Variants in KIAA1549 observed in about 807,000 individuals in gnomAD.
KIAA1549 encodes the protein KIAA1549.
KIAA1549 carries 70 observed loss-of-function variants against 156.4 expected under a neutral mutation model. The observed-to-expected ratio is 0.45, with a 90% CI of 0.37 to 0.55. KIAA1549 has a LOEUF of 0.55. Ranked by LOEUF, KIAA1549 falls within the 20% of genes least tolerant of loss-of-function variation. The probability of loss-of-function intolerance (pLI) is 0.00; values close to 1 mark genes in which losing one functional copy is unlikely to be tolerated. For missense variants in KIAA1549, 2,428 were observed against 2,540.9 expected (o/e 0.96, Z 0.96); for synonymous variants, 1,103 against 1,066.4 (o/e 1.03, Z -0.67).
chr7:138,919,671 T>C (rs1812499592), intron 1 of KIAA1549, among the ~76,000 whole-genome samples: 1 of 152,070 alleles, frequency 6.6e-6, no homozygotes, highest in African/African-American at 2.4e-5. Context: ...CTAAGCTGTG[T>C]ATGTGTGGGG....
intron 5 of KIAA1549, among the ~76,000 whole-genome samples, chr7:138,907,885 C>T (rs1812051614): frequency 6.6e-6 from 1 of 151,986 alleles, no homozygotes; most frequent in Admixed American, 6.6e-5. Flanking sequence ...CTAGCTCTGC[C>T]CTGAGACACA....
chr7:138,883,585 AG>A (rs1452483231), intron 10 of KIAA1549, among the ~76,000 whole-genome samples: 1 of 152,064 alleles, frequency 6.6e-6, no homozygotes, highest in Non-Finnish European at 1.5e-5. Flanking sequence ...CCAAAGTGCT[AG>A]GATTACAGGT....
intron 1 of KIAA1549, among the ~76,000 whole-genome samples, chr7:138,976,483 A>G (rs896405631): frequency 6.6e-6 from 1 of 152,158 alleles, no homozygotes; most frequent in Non-Finnish European, 1.5e-5. Flanking sequence ...CAGTTTGAAG[A>G]TATTTTGAGA....
At chr7:138,953,974 C>T (rs1813581262) in intron 1 of KIAA1549, among the ~76,000 whole-genome samples, 1 of 152,102 alleles carries the variant, frequency 6.6e-6, no homozygotes, top group Non-Finnish European at 1.5e-5. Flanking sequence ...GTGCATCACA[C>T]TGTTGATGGT....
intron 17 of KIAA1549, among the ~76,000 whole-genome samples, chr7:138,845,096 CTTTT>C (rs1422996433): frequency 6.6e-6 from 1 of 152,020 alleles, no homozygotes; most frequent in Non-Finnish European, 1.5e-5. Flanking sequence ...CTCCCAAGAG[CTTTT>C]GTTTCTGTGG....
At chr7:138,948,998 C>A (rs1173326546) in intron 1 of KIAA1549, among the ~76,000 whole-genome samples, 1 of 152,150 alleles carries the variant, frequency 6.6e-6, no homozygotes, top group Non-Finnish European at 1.5e-5. Flanking sequence ...AGCCACCGCG[C>A]CCGGCCAGGG....
At chr7:138,902,343 A>G (rs983506364) in intron 8 of KIAA1549, among the ~76,000 whole-genome samples, 4 of 152,048 alleles carry the variant, frequency 2.6e-5, no homozygotes, top group Non-Finnish European at 4.4e-5. Context: ...CTTTTTCTCT[A>G]ATGCCTCTAA....
At chr7:138,877,958 A>G (rs1197990764) in intron 12 of KIAA1549, among the ~76,000 whole-genome samples, 1 of 152,218 alleles carries the variant, frequency 6.6e-6, no homozygotes, top group East Asian at 1.9e-4. Flanking sequence ...CAGATAAGCA[A>G]TGAACAGAAC....
At chr7:138,945,281 T>C (rs1286685747) in intron 1 of KIAA1549, among the ~76,000 whole-genome samples, 1 of 152,184 alleles carries the variant, frequency 6.6e-6, no homozygotes, top group Non-Finnish European at 1.5e-5. Flanking sequence ...CCAGGTGCCT[T>C]AGCGCCAGCC....
Position 138,844,469 on chromosome 7 carries a change from C to G in KIAA1549, c.5300G>C (p.Gly1767Ala). Reference protein sequence around the residue: ...TPPTGPLPRPGFGPGLLQSTE... With the variant: ...TPPTGPLPRPAFGPGLLQSTE... ...AGACTGCAGCAAACCGGGGCCAAAA[C>G]CTGGTCTGAAGGCAAAGCAAACCAG... is the stretch of plus-strand genomic sequence containing the variant. Residue 1767 changes from glycine (G) to alanine (A), a missense_variant, in exon 18 of 20, where the codon GGT becomes GCT. Gly to Ala is a moderately conservative substitution (Grantham distance 60). This residue lies in a region of KIAA1549 where 363 missense variants were observed against 354.0 expected (regional missense o/e 1.03). Coordinates refer to ENST00000422774, the MANE Select transcript of KIAA1549 (RefSeq NM_001164665.2). 2 of 1,530,318 alleles carry G rather than the reference C, an allele frequency of 1.3e-6. No homozygotes were observed. Among genetic ancestry groups the G allele is most frequent in the Non-Finnish European group, 1.8e-6 (2 of 1,142,040 alleles). The allele number at this position is 1,530,318 out of a possible 1,614,324, so 94.8% of individuals were successfully genotyped here. A position where few individuals can be genotyped will look rare whatever the true frequency, so the allele number is the denominator to read the frequency against.
chr7:138,837,707 C>G lies in KIAA1549; in HGVS notation c.*199G>C. 1.6e-6 allele frequency: 1 copy of G among 612,756 alleles called. No individual in the cohort carries two copies. Among genetic ancestry groups the G allele is most frequent in the African/African-American group, 1.8e-5 (1 of 54,198 alleles). The allele number at this position is 612,756 out of a possible 1,614,324, so 38.0% of individuals were successfully genotyped here. On this transcript the variant is annotated 3_prime_UTR_variant, in exon 20 of 20. Transcript: ENST00000422774. ...TATATTTCAACTGAACCCAAGTGTT[C>G]AGACAATTGCCAGCCCAGTGAAAGG...
At position 138,906,928 on chromosome 7, in the gene KIAA1549, T is replaced by A; in HGVS notation, c.3451A>T (p.Ile1151Phe). ...SFYLGYPVLQ[I>F]AEPFQYPQLN... ...AGAGGGCTGTACTCACGCTCTGCGATCTGCAGCACTGGGTATCCCAGATAG... is the reference window on the plus strand; with the variant it reads ...AGAGGGCTGTACTCACGCTCTGCGAACTGCAGCACTGGGTATCCCAGATAG... Residue 1151 changes from isoleucine to phenylalanine, a missense_variant, in exon 6 of 20, where the codon ATC (isoleucine) becomes TTC (phenylalanine). Around this residue, in one of 5 missense-constraint regions of KIAA1549, gnomAD observed 762 missense variants for 901.6 expected, o/e 0.85. Coordinates refer to ENST00000422774, the MANE Select transcript of KIAA1549 (RefSeq NM_001164665.2). 6.3e-7 allele frequency: 1 copy of A among 1,596,094 alleles called. No individual in the cohort carries two copies. Among genetic ancestry groups the A allele is most frequent in the Non-Finnish European group, 8.5e-7 (1 of 1,172,894 alleles).
At chr7:138,899,168 C>T in intron 8 of KIAA1549, 36 bp from the exon 9 acceptor site, 2 of 1,594,040 alleles carry the variant, frequency 1.3e-6, no homozygotes, top group Non-Finnish European at 1.7e-6. Context: ...ATTGCAGAAG[C>T]TCATGTTTCT....
At chr7:138,910,180 T>C (rs996570634) in intron 4 of KIAA1549, among the ~76,000 whole-genome samples, 5 of 152,082 alleles carry the variant, frequency 3.3e-5, no homozygotes, top group Admixed American at 3.3e-4. Context: ...CAGTGGTCTG[T>C]TAAACTATTC....
chr7:138,886,262 A>C (rs534617801), intron 10 of KIAA1549, among the ~76,000 whole-genome samples: 40 of 152,242 alleles, frequency 2.6e-4, no homozygotes, highest in African/African-American at 9.4e-4. Context: ...TCAGTGGCTT[A>C]GGTCTGTGAC....
chr7:138,865,057 A>G (rs1810697622), intron 15 of KIAA1549, among the ~76,000 whole-genome samples: 1 of 152,158 alleles, frequency 6.6e-6, no homozygotes. Context: ...GTGAAAGCCC[A>G]TCTCTACTAA....
At chr7:138,915,720 T>A (rs1812298498) in intron 2 of KIAA1549, among the ~76,000 whole-genome samples, 1 of 152,036 alleles carries the variant, frequency 6.6e-6, no homozygotes, top group Non-Finnish European at 1.5e-5. Context: ...GCCGTTTTCG[T>A]CCCCTTTTTC....
At chr7:138,940,473 A>G (rs1318123669) in intron 1 of KIAA1549, among the ~76,000 whole-genome samples, 1 of 150,718 alleles carries the variant, frequency 6.6e-6, no homozygotes, top group Non-Finnish European at 1.5e-5. Flanking sequence ...CGCAATAAAC[A>G]TACGTGTGCA....
chr7:138,977,093 C>T (rs1311330834), intron 1 of KIAA1549, among the ~76,000 whole-genome samples: 2 of 151,938 alleles, frequency 1.3e-5, no homozygotes, highest in Non-Finnish European at 2.9e-5. Context: ...AGCATAAATG[C>T]AATAAAAAAA....
Sources: gnomAD v4.1 joint callset for allele counts (sites outside exome capture counted in the v4.1 genomes callset) on GRCh38, gnomAD v4.1.1 for gene constraint, gnomAD v4.1.1 regional missense constraint, MANE v1.5 for transcripts, NCBI Gene and HGNC (gene_info 2026-07-23, HGNC 2026-07-21) for gene names.